The following GABPB1 variants were observed in gnomAD, a reference collection of about 807,000 sequenced individuals.
The protein encoded by GABPB1 is GA binding protein transcription factor subunit beta 1, also known as GA-binding protein subunit beta-1.
A neutral mutation model predicts 45.9 loss-of-function variants in GABPB1; 15 were observed. The observed-to-expected ratio is 0.33, with a 90% CI of 0.22 to 0.50. The LOEUF (loss-of-function observed/expected upper bound fraction) is 0.50, where lower values mean the gene tolerates loss of function less well. Among genes scored for constraint, GABPB1 ranks in the 20% least tolerant of loss-of-function variants. GABPB1 has a pLI of 0.98. For synonymous variants in GABPB1, 143 were observed against 154.4 expected, an observed-to-expected ratio of 0.93 and a Z score of 0.55; for missense variants, 252 against 457.5, an observed-to-expected ratio of 0.55 and a Z score of 4.10.
chr15:50,330,377 T>TA (rs199676847), intron 1 of GABPB1, among the ~76,000 whole-genome samples: 11 of 151,734 alleles, frequency 7.2e-5, no homozygotes, highest in South Asian at 4.2e-4. Flanking sequence ...TACTTTTAAT[T>TA]AAAAAAAAAC....
chr15:50,325,327 C>T (rs569304931), intron 1 of GABPB1, among the ~76,000 whole-genome samples: 8 of 148,432 alleles, frequency 5.4e-5, no homozygotes, highest in Non-Finnish European at 1.0e-4. Flanking sequence ...AAAAAAGGCA[C>T]GGCTAAAAGC....
intron 5 of GABPB1, 88 bp from the exon 6 acceptor site, chr15:50,300,990 A>T: frequency 1.1e-6 from 1 of 899,146 alleles, no homozygotes; most frequent in Non-Finnish European, 1.8e-6. Context: ...ACTGACTCTT[A>T]AACAAAGCTT....
At chr15:50,291,601 C>T (rs2046344502) in intron 6 of GABPB1, among the ~76,000 whole-genome samples, 1 of 150,286 alleles carries the variant, frequency 6.7e-6, no homozygotes, top group South Asian at 2.2e-4. Flanking sequence ...GCTAGGATTA[C>T]AGGCGTAAGC....
chr15:50,281,141 G>A (rs1386131772), intron 8 of GABPB1, among the ~76,000 whole-genome samples: 1 of 152,172 alleles, frequency 6.6e-6, no homozygotes, highest in Non-Finnish European at 1.5e-5. Flanking sequence ...ATAAAACCTA[G>A]AAGACAAAGA....
intron 7 of GABPB1, among the ~76,000 whole-genome samples, chr15:50,288,669 G>T (rs1183550976): frequency 2.6e-5 from 4 of 152,058 alleles, no homozygotes; most frequent in African/African-American, 9.7e-5. Context: ...GAATTCTGAG[G>T]TTTTTCTCAG....
At chr15:50,337,458 G>C (rs1184915838) in intron 1 of GABPB1, among the ~76,000 whole-genome samples, 1 of 151,906 alleles carries the variant, frequency 6.6e-6, no homozygotes, top group Non-Finnish European at 1.5e-5. Flanking sequence ...TAAAAGTTTT[G>C]AATCTCAAGC....
At chr15:50,289,033 C>T (rs537288919) in intron 7 of GABPB1, among the ~76,000 whole-genome samples, 18 of 152,166 alleles carry the variant, frequency 1.2e-4, no homozygotes, top group African/African-American at 4.1e-4. Context: ...CACTATGTTG[C>T]CCAGGCTCCA....
intron 1 of GABPB1, among the ~76,000 whole-genome samples, chr15:50,330,944 G>C (rs895770245): frequency 6.6e-6 from 1 of 152,098 alleles, no homozygotes; most frequent in Non-Finnish European, 1.5e-5. Flanking sequence ...CAGAGTACTA[G>C]ATTAGGGATA....
At chr15:50,319,480 A>G (rs1343870765) in intron 1 of GABPB1, among the ~76,000 whole-genome samples, 1 of 151,994 alleles carries the variant, frequency 6.6e-6, no homozygotes, top group African/African-American at 2.4e-5. Context: ...CCCCCTCCGT[A>G]TGTCCATGTA....
chr15:50,328,766 C>A (rs1225090809), intron 1 of GABPB1, among the ~76,000 whole-genome samples: 2 of 152,166 alleles, frequency 1.3e-5, no homozygotes, highest in African/African-American at 4.8e-5. Context: ...ATGATCCTGG[C>A]CCAAATCAAT....
chr15:50,342,540 T>C (rs1247840278), intron 1 of GABPB1, among the ~76,000 whole-genome samples: 1 of 152,096 alleles, frequency 6.6e-6, no homozygotes, highest in African/African-American at 2.4e-5. Context: ...CTGAAAAAAT[T>C]TGTAGATTAT....
intron 1 of GABPB1, among the ~76,000 whole-genome samples, chr15:50,322,161 AT>A (rs1338213313): frequency 6.6e-6 from 1 of 151,222 alleles, no homozygotes; most frequent in Non-Finnish European, 1.5e-5. Flanking sequence ...TAGCAATAAT[AT>A]TACAAAGCAA....
At chr15:50,329,906 CTTTT>C (rs537896986) in intron 1 of GABPB1, among the ~76,000 whole-genome samples, 36 of 145,470 alleles carry the variant, frequency 2.5e-4, no homozygotes, top group African/African-American at 8.8e-4. Context: ...TCCACTCTTA[CTTTT>C]TTTTTTTTTC....
At chr15:50,279,764 G>C (rs926033587) in intron 8 of GABPB1, among the ~76,000 whole-genome samples, 4 of 152,170 alleles carry the variant, frequency 2.6e-5, no homozygotes, top group Admixed American at 6.5e-5. Flanking sequence ...ACCTCTGAGT[G>C]GGGTGAAGGC....
chr15:50,318,068 T>G lies in GABPB1; in HGVS notation c.1-8270A>C, dbSNP rs187462424. Among the ~76,000 whole-genome samples, 588 of 152,272 alleles carry G rather than the reference T, an allele frequency of 3.9e-3. 3 individuals carry two copies. Among genetic ancestry groups the G allele is most frequent in the African/African-American group, 0.014 (565 of 41,554 alleles). On this transcript the variant is annotated intron_variant, in intron 1 of 8. Coordinates refer to ENST00000380877, the MANE Select transcript of GABPB1 (RefSeq NM_016654.5). ...TCTCATAAGAAAACAATTTCAATAA[T>G]AATAAAAACAGTCCCTAGCATCTTG...
At chr15:50,318,864 TAC>T (rs1171229339) in intron 1 of GABPB1, among the ~76,000 whole-genome samples, 1 of 152,260 alleles carries the variant, frequency 6.6e-6, no homozygotes, top group Non-Finnish European at 1.5e-5. Context: ...ATGTCTCTTG[TAC>T]AGTTTTTCCT....
intron 6 of GABPB1, among the ~76,000 whole-genome samples, chr15:50,293,023 G>A (rs2046403460): frequency 6.6e-6 from 1 of 151,738 alleles, no homozygotes; most frequent in African/African-American, 2.4e-5. Context: ...TTCAAAAAGA[G>A]GAATGACATT....
chr15:50,325,960 T>A (rs1392776718), intron 1 of GABPB1, among the ~76,000 whole-genome samples: 2 of 150,678 alleles, frequency 1.3e-5, no homozygotes, highest in Non-Finnish European at 3.0e-5. Context: ...CAGGCTGGAG[T>A]GCAATGGCAC....
intron 1 of GABPB1, chr15:50,354,007 G>GT (rs941529527): frequency 1.5e-4 from 32 of 215,826 alleles, no homozygotes; most frequent in African/African-American, 7.7e-4. Context: ...GTCCAATCAG[G>GT]TTTAAAGCAA....
Sources: allele counts gnomAD v4.1 joint callset (sites outside exome capture counted in the v4.1 genomes callset), GRCh38; gene constraint gnomAD v4.1.1; transcripts MANE v1.5; gene names NCBI Gene and HGNC (gene_info 2026-07-23, HGNC 2026-07-21).